The following PDZD7 variants were observed in gnomAD, a reference collection of about 807,000 sequenced individuals.
The protein encoded by PDZD7 is PDZ domain containing 7.
PDZD7 carries 72 observed loss-of-function variants against 84.7 expected under a neutral mutation model. The ratio of observed to expected loss-of-function variants is 0.85; its 90% confidence interval spans 0.70 to 1.03. The LOEUF (loss-of-function observed/expected upper bound fraction) is 1.03, where lower values mean the gene tolerates loss of function less well. Ranked by LOEUF, PDZD7 falls within the 50% of genes least tolerant of loss-of-function variation. The pLI, the probability that PDZD7 is intolerant of heterozygous loss-of-function variation, is 0.00. For synonymous variants in PDZD7, 594 were observed against 580.7 expected, an observed-to-expected ratio of 1.02 and a Z score of -0.33; for missense variants, 1,490 against 1,412.9, an observed-to-expected ratio of 1.05 and a Z score of -0.87.
chr10:101,028,106 C>G (rs1937825102), intron 2 of PDZD7, among the ~76,000 whole-genome samples: 1 of 152,112 alleles, frequency 6.6e-6, no homozygotes, highest in Admixed American at 6.5e-5. Context: ...TGGGAGATAC[C>G]TGTTCTCAGG....
At position 101,008,786 on chromosome 10, in the gene PDZD7, A is replaced by C. The variant is rs912304447; in HGVS notation, c.2783T>G (p.Val928Gly). The C allele has an allele frequency of 8.5e-6, 13 of 1,532,220 alleles. No homozygotes were observed. Among genetic ancestry groups the C allele is most frequent in the African/African-American group, 1.4e-5 (1 of 72,890 alleles). The allele number at this position is 1,532,220 out of a possible 1,614,324, so 94.9% of individuals were successfully genotyped here. Reference sequence around the variant, plus strand: ...TCGATAAGCCCGACGGATGGTGTCTACTGCACGCTGGTGGGTCACCTGCTC... The same window carrying C: ...TCGATAAGCCCGACGGATGGTGTCTCCTGCACGCTGGTGGGTCACCTGCTC... ...NLEQVTHQRA[V>G]DTIRRAYRNK... Residue 928 changes from valine to glycine, a missense_variant, in exon 17 of 17, where the codon GTA becomes GGA. Transcript: ENST00000619208.
At chr10:101,023,013 C>T (rs902052443) in intron 4 of PDZD7, 2 of 225,958 alleles carry the variant, frequency 8.9e-6, no homozygotes, top group Non-Finnish European at 1.8e-5. Flanking sequence ...CTCAGGTGAT[C>T]CACCTGCCTC....
In PDZD7 at chr10:101,031,093, G is replaced by T. The variant is rs1171619630; in HGVS notation, c.-186C>A. 1.3e-5 allele frequency: 2 copies of T among 152,318 alleles called. No individual in the cohort carries two copies. Among genetic ancestry groups the T allele is most frequent in the African/African-American group, 4.8e-5 (2 of 41,456 alleles). 9.4% of individuals were successfully genotyped at this position (152,318 alleles called of 1,614,324 possible). On this transcript the variant is annotated 5_prime_UTR_variant, in exon 1 of 17. Transcript: ENST00000619208. ...CTCACCTGGTCGCTGGTGTGGCGCCGCCAGCCTTGTCAAACCACCCGCAGG... is the reference window on the plus strand; with the variant it reads ...CTCACCTGGTCGCTGGTGTGGCGCCTCCAGCCTTGTCAAACCACCCGCAGG...
intron 11 of PDZD7, 136 bp from the exon 12 acceptor site, chr10:101,012,394 C>T: frequency 1.3e-6 from 1 of 749,728 alleles, no homozygotes; most frequent in Non-Finnish European, 2.3e-6. Context: ...GAAAGGTTCA[C>T]TCCACCCCCA....
chr10:101,016,856 G>A (rs534855778), intron 9 of PDZD7, among the ~76,000 whole-genome samples: 9 of 152,238 alleles, frequency 5.9e-5, no homozygotes, highest in Admixed American at 2.0e-4. Flanking sequence ...ATGCACTGAC[G>A]GAGAGGGGCC....
intron 11 of PDZD7, 66 bp downstream of exon 11, chr10:101,015,570 G>A (rs1852581575): frequency 2.0e-6 from 3 of 1,503,868 alleles, no homozygotes; most frequent in African/African-American, 2.8e-5. Context: ...ACAGTGGCCT[G>A]AATGAATGAT....
chr10:101,018,109 G>A lies in PDZD7; in HGVS notation c.1512C>T (p.Asp504=). 1 of 1,614,144 alleles carries A rather than the reference G, an allele frequency of 6.2e-7. No homozygotes were observed. Among genetic ancestry groups the A allele is most frequent in the Non-Finnish European group, 8.5e-7 (1 of 1,180,038 alleles). Residue 504 remains aspartate (D), a synonymous_variant, in exon 9 of 17, where the codon GAC becomes GAT. Transcript: ENST00000619208. ...GSLAKTYPRL[D]IEKAGGVGPV... ...CAGCCCACTACTTACCTTTCTCTAT[G>A]TCCAGGCGAGGGTAAGTTTTGGCCA...
intron 9 of PDZD7, among the ~76,000 whole-genome samples, chr10:101,016,855 C>G (rs567468265): frequency 6.6e-6 from 1 of 152,036 alleles, no homozygotes; most frequent in Non-Finnish European, 1.5e-5. Flanking sequence ...GATGCACTGA[C>G]GGAGAGGGGC....
At position 101,010,846 on chromosome 10, in the gene PDZD7, G is replaced by A. The variant is rs1852371785; in HGVS notation, c.2043C>T (p.Gly681=). Reference sequence around the variant, plus strand: ...CCCCATTATCTTCCTCTTCCGGGAAGCCGTTCACCGGCAGCAGGTAGAAGC... The same window carrying A: ...CCCCATTATCTTCCTCTTCCGGGAAACCGTTCACCGGCAGCAGGTAGAAGC... ...RGGFYLLPVN[G]FPEEEDNGEL... Residue 681 remains glycine (G), a synonymous_variant, in exon 15 of 17, where the codon GGC becomes GGT. Transcript: ENST00000619208. 2 of 1,534,638 alleles carry A rather than the reference G, an allele frequency of 1.3e-6. No homozygotes were observed. Among genetic ancestry groups the A allele is most frequent in the East Asian group, 4.9e-5 (2 of 40,914 alleles).
Position 101,020,618 on chromosome 10 carries a change from G to A in PDZD7, c.928C>T (p.Leu310=), listed in dbSNP as rs553511807. The stretch of plus-strand genomic sequence containing the variant: ...ACCTTGGGAGATCTGAGCCACTTAC[G>A]TCGGTCCAGCCAGCAGTACTCAGAA... ...MVSEYCWLDR[L]SNGVLQQLSP... is the part of the protein sequence containing the mutation. The change falls in exon 7 of 17, where the codon CTG becomes TTG. Residue 310 remains leucine (L), a splice_region_variant and synonymous_variant. Coordinates refer to ENST00000619208, the MANE Select transcript of PDZD7 (RefSeq NM_001195263.2). 8 of 1,613,274 alleles carry A rather than the reference G, an allele frequency of 5.0e-6. No homozygotes were observed. Among genetic ancestry groups the A allele is most frequent in the Admixed American group, 1.7e-5 (1 of 60,008 alleles).
chr10:101,007,970 A>G lies in PDZD7; in HGVS notation c.*497T>C, dbSNP rs1852277238. The G allele has an allele frequency of 6.7e-6, 1 of 148,580 alleles. No individual in the cohort carries two copies. Among genetic ancestry groups the G allele is most frequent in the African/African-American group, 2.6e-5 (1 of 39,148 alleles). 9.2% of individuals were successfully genotyped at this position (148,580 alleles called of 1,614,324 possible). ...ATGGAGGAAGGACAAATCCAGTAGA[A>G]TGTCTGAGGTCTTAGTGGACCCCAA... On this transcript the variant is annotated 3_prime_UTR_variant, in exon 17 of 17. Coordinates refer to ENST00000619208, the MANE Select transcript of PDZD7 (RefSeq NM_001195263.2).
Position 101,008,378 on chromosome 10 carries a change from G to C in PDZD7, c.*89C>G. The C allele has an allele frequency of 1.5e-6, 2 of 1,303,598 alleles. No individual in the cohort carries two copies. The highest frequency in any genetic ancestry group is 1.5e-5 in the South Asian group (1 of 66,020). The allele number at this position is 1,303,598 out of a possible 1,614,324, so 80.8% of individuals were successfully genotyped here. On this transcript the variant is annotated 3_prime_UTR_variant, in exon 17 of 17. Coordinates refer to ENST00000619208, the MANE Select transcript of PDZD7 (RefSeq NM_001195263.2). ...CTGGGAGGAGGCAGGGTGGGCAGGA[G>C]CTGGAGAGTCCTGAAGAAGTTGGTA...
rs771163176 is a variant in PDZD7 at position 101,020,621 on chromosome 10, G to T, written c.925C>A (p.Arg309=). Residue 309 remains arginine, a synonymous_variant, in exon 7 of 17, where the codon CGA becomes AGA. Coordinates refer to ENST00000619208, the MANE Select transcript of PDZD7 (RefSeq NM_001195263.2). ...TTGGGAGATCTGAGCCACTTACGTC[G>T]GTCCAGCCAGCAGTACTCAGAAACC... ...EMVSEYCWLD[R]LSNGVLQQLS... 3 of 1,613,596 alleles carry T rather than the reference G, an allele frequency of 1.9e-6. No homozygotes were observed. Among genetic ancestry groups the T allele is most frequent in the Non-Finnish European group, 2.5e-6 (3 of 1,179,626 alleles).
chr10:101,012,131 T>TCCTG, intron 12 of PDZD7, 36 bp downstream of exon 12: 10 of 1,543,918 alleles, frequency 6.5e-6, no homozygotes, highest in Non-Finnish European at 8.8e-6. Flanking sequence ...GGGATCCCCT[T>TCCTG]CCTGCCCCCA....
In PDZD7 at chr10:101,023,923, C is replaced by T. The variant is rs1240812974; in HGVS notation, c.367+5G>A. On this transcript the variant is annotated splice_donor_5th_base_variant and intron_variant, in intron 3 of 16. Transcript: ENST00000619208. ...CGTGGACTTCAGCCTGGGGGTTCTG[C>T]TTACCTGCACTGCTGCCTTCCTCCA... 1 of 1,614,236 alleles carries T rather than the reference C, an allele frequency of 6.2e-7. No individual in the cohort carries two copies. The highest frequency in any genetic ancestry group is 1.7e-5 in the Admixed American group (1 of 60,028).
chr10:101,011,801 G>A (rs750609127), intron 13 of PDZD7, 40 bp from the exon 14 acceptor site: 46 of 1,550,374 alleles, frequency 3.0e-5, no homozygotes, highest in Non-Finnish European at 3.8e-5. Flanking sequence ...AAGGTACCCC[G>A]CCAGGCTCCG....
intron 11 of PDZD7, among the ~76,000 whole-genome samples, chr10:101,013,847 CTTTCTTTTTT>C (rs1199809943): frequency 1.5e-5 from 2 of 135,196 alleles, no homozygotes; most frequent in East Asian, 5.2e-4. Context: ...GGTTTCTTTT[CTTTCTTTTTT>C]TTTTTTTTTT....
chr10:101,013,034 C>T (rs777610484), intron 11 of PDZD7, among the ~76,000 whole-genome samples: 5 of 152,226 alleles, frequency 3.3e-5, no homozygotes, highest in Admixed American at 2.6e-4. Context: ...CAGGGACACG[C>T]ACGCATAGAA....
In PDZD7 at chr10:101,021,891, G is replaced by A; in HGVS notation, c.774C>T (p.Val258=). 1.2e-6 allele frequency: 2 copies of A among 1,614,136 alleles called. No individual in the cohort carries two copies. The highest frequency in any genetic ancestry group is 1.7e-6 in the Non-Finnish European group (2 of 1,180,024). The change falls in exon 6 of 17, where the codon GTC becomes GTT. Residue 258 remains valine (V), a synonymous_variant. Coordinates refer to ENST00000619208, the MANE Select transcript of PDZD7 (RefSeq NM_001195263.2). Reference sequence around the variant, plus strand: ...CAAACCTGACACCGTTGGCTGCCAGGACCTGGTCCCCCACCTTGATGCCAT... The same window carrying A: ...CAAACCTGACACCGTTGGCTGCCAGAACCTGGTCCCCCACCTTGATGCCAT... ...EENGIKVGDQ[V]LAANGVRFDD...
Sources: gnomAD v4.1 joint callset for allele counts (sites outside exome capture counted in the v4.1 genomes callset) on GRCh38, gnomAD v4.1.1 for gene constraint, MANE v1.5 for transcripts, NCBI Gene and HGNC (gene_info 2026-07-23, HGNC 2026-07-21) for gene names.